Variants in OOSP4B observed in about 807,000 individuals in gnomAD.
The protein encoded by OOSP4B is oocyte-secreted protein 4B.
chr11:60,028,177 T>C, intron 3 of OOSP4B, among the ~76,000 whole-genome samples: 1 of 151,388 alleles, frequency 6.6e-6, no homozygotes, highest in African/African-American at 2.4e-5. Flanking sequence ...TTTTTTTTTC[T>C]TTTTTTGAGA....
intron 1 of OOSP4B, among the ~76,000 whole-genome samples, chr11:60,019,972 TAC>T (rs1854672066): frequency 6.6e-6 from 1 of 152,140 alleles, no homozygotes; most frequent in African/African-American, 2.4e-5. Flanking sequence ...ATTAGCTAGA[TAC>T]AGAGTGTGGA....
chr11:60,017,373 T>C, exon 1 of OOSP4B: 1 of 398,700 alleles, frequency 2.5e-6, no homozygotes, highest in Admixed American at 4.4e-5. Flanking sequence ...TTCTATGTTG[T>C]GTCTTGGAGT....
chr11:60,021,696 C>T (rs1400910787), intron 1 of OOSP4B: 1 of 152,184 alleles, frequency 6.6e-6, no homozygotes, highest in African/African-American at 2.4e-5. Flanking sequence ...ATAACAAGAA[C>T]ATAGGCCGGG....
chr11:60,025,067 G>C (rs2134626616), intron 3 of OOSP4B, 62 bp downstream of exon 3: 1 of 397,348 alleles, frequency 2.5e-6, no homozygotes, highest in East Asian at 3.6e-5. Context: ...AGATGTTTCT[G>C]TTAAGAATGC....
chr11:60,018,665 G>T (rs1041702111), intron 1 of OOSP4B, among the ~76,000 whole-genome samples: 1 of 152,282 alleles, frequency 6.6e-6, no homozygotes, highest in African/African-American at 2.4e-5. Flanking sequence ...TTTGTGGGGG[G>T]CTACCCAGTA....
intron 4 of OOSP4B, 34 bp downstream of exon 4, chr11:60,029,963 A>G (rs1854790344): frequency 2.5e-6 from 1 of 397,840 alleles, no homozygotes; most frequent in South Asian, 1.3e-4. Flanking sequence ...TTTATAGTTA[A>G]CCACAATTTG....
intron 1 of OOSP4B, among the ~76,000 whole-genome samples, chr11:60,023,484 G>A (rs1854714536): frequency 6.6e-6 from 1 of 152,134 alleles, no homozygotes; most frequent in African/African-American, 2.4e-5. Context: ...GCCCAGGCTG[G>A]AGTGCAGTGG....
chr11:60,029,393 G>A lies in OOSP4B; in HGVS notation c.303-389G>A, dbSNP rs552195642. Among the ~76,000 whole-genome samples the A allele has an allele frequency of 3.9e-5, 6 of 152,200 alleles. No individual in the cohort carries two copies. The South Asian group carries it at 1.2e-3, about 32-fold the overall frequency. On this transcript the variant is annotated intron_variant, in intron 3 of 4. Transcript: ENST00000642343. ...TCTATTTCCTGCCTAAGATTTTGGT[G>A]GTAGCATCTTTTTGCATACATATGG...
chr11:60,020,000 A>G (rs767286809), intron 1 of OOSP4B, among the ~76,000 whole-genome samples: 10 of 152,150 alleles, frequency 6.6e-5, no homozygotes, highest in Non-Finnish European at 1.2e-4. Flanking sequence ...AGGTTCTCCA[A>G]GTCCCCACCA....
Position 60,021,001 on chromosome 11 carries a change from C to G in OOSP4B, c.23-2879C>G, listed in dbSNP as rs150727038. ...TGTGGTCTAGCCATAATGCTTGGCA[C>G]ACACAACGTCTTCCATCCTTGCACT... On this transcript the variant is annotated intron_variant, in intron 1 of 4. Coordinates refer to ENST00000642343, the Ensembl canonical transcript of OOSP4B. 4.7e-3 allele frequency among the ~76,000 whole-genome samples: 722 copies of G among 152,340 alleles called. 8 individuals carry two copies. Among genetic ancestry groups the G allele is most frequent in the South Asian group, 0.015 (71 of 4,822 alleles).
intron 3 of OOSP4B, among the ~76,000 whole-genome samples, chr11:60,027,041 T>A (rs183843238): frequency 6.6e-6 from 1 of 152,256 alleles, no homozygotes; most frequent in East Asian, 1.9e-4. Flanking sequence ...ATAGGTTTGT[T>A]ACATAAGTAC....
In OOSP4B at chr11:60,020,664, C is replaced by T. The variant is rs559139687; in HGVS notation, c.23-3216C>T. Among the ~76,000 whole-genome samples the T allele has an allele frequency of 2.6e-5, 4 of 152,374 alleles. No homozygotes were observed. The South Asian group carries it at 8.3e-4, about 32-fold the overall frequency. ...CTTGGCCAGCCCAGAAAGGGGCTCC[C>T]ACAGTGCAGCGGCGGGCTAAAGGGC... On this transcript the variant is annotated intron_variant, in intron 1 of 4. Coordinates refer to ENST00000642343, the Ensembl canonical transcript of OOSP4B.
rs1393743071 is a variant in OOSP4B at position 60,029,934 on chromosome 11, G to A, written c.450+5G>A. The A allele has an allele frequency of 2.5e-6, 1 of 398,108 alleles. No homozygotes were observed. The highest frequency in any genetic ancestry group is 4.4e-5 in the Admixed American group (1 of 22,714). 24.7% of individuals were successfully genotyped at this position (398,108 alleles called of 1,614,324 possible). A position where few individuals can be genotyped will look rare whatever the true frequency, so the allele number is the denominator to read the frequency against. ...AATTTTAACAGTGTTAATAAGGTGA[G>A]AATATTAAGGTTGTTTATTTTATAG... is the stretch of plus-strand genomic sequence containing the variant. On this transcript the variant is annotated splice_donor_5th_base_variant and intron_variant, in intron 4 of 4. Transcript: ENST00000642343.
intron 1 of OOSP4B, among the ~76,000 whole-genome samples, chr11:60,018,778 C>G (rs997897720): frequency 6.6e-6 from 1 of 152,114 alleles, no homozygotes; most frequent in Non-Finnish European, 1.5e-5. Flanking sequence ...GCCTTAATGT[C>G]TTTTTTGTAT....
In OOSP4B at chr11:60,019,798, A is replaced by G. The variant is rs191079372; in HGVS notation, c.22+2385A>G. On this transcript the variant is annotated intron_variant, in intron 1 of 4. Transcript: ENST00000642343. Reference sequence around the variant, plus strand: ...GGAAGGAGACCCCCAACGGGTTGCCAGTGCTGGTTCAGGCAGCCTGCTTTT... The same window carrying G: ...GGAAGGAGACCCCCAACGGGTTGCCGGTGCTGGTTCAGGCAGCCTGCTTTT... Among the ~76,000 whole-genome samples, 18 of 152,338 alleles carry G rather than the reference A, an allele frequency of 1.2e-4. No homozygotes were observed. In the East Asian group the frequency reaches 2.3e-3, roughly 20 times the overall value.
intron 1 of OOSP4B, among the ~76,000 whole-genome samples, chr11:60,018,388 A>T (rs1854647227): frequency 6.6e-6 from 1 of 152,172 alleles, no homozygotes; most frequent in Non-Finnish European, 1.5e-5. Flanking sequence ...AGTGGTCAAG[A>T]ATGCCACTAC....
At chr11:60,023,181 A>G (rs1854711316) in intron 1 of OOSP4B, among the ~76,000 whole-genome samples, 1 of 152,062 alleles carries the variant, frequency 6.6e-6, no homozygotes. Context: ...TAACCAACTA[A>G]CCTCTCTGTG....
intron 4 of OOSP4B, among the ~76,000 whole-genome samples, 193 bp downstream of exon 4, chr11:60,030,122 A>C (rs1225269089): frequency 1.3e-5 from 2 of 152,162 alleles, no homozygotes; most frequent in Non-Finnish European, 2.9e-5. Context: ...GCAGATGAAC[A>C]TGAATAGGTT....
intron 1 of OOSP4B, chr11:60,019,358 A>G (rs370658325): frequency 1.2e-5 from 2 of 165,990 alleles, no homozygotes; most frequent in Non-Finnish European, 2.6e-5. Flanking sequence ...TACTAAAAAT[A>G]CAAAAATTAG....
Sources: allele counts gnomAD v4.1 joint callset (sites outside exome capture counted in the v4.1 genomes callset), GRCh38; gene constraint gnomAD v4.1.1; transcripts MANE v1.5; gene names NCBI Gene and HGNC (gene_info 2026-07-23, HGNC 2026-07-21).